CD44: variants seen among roughly 807,000 people sequenced by gnomAD.
The protein encoded by CD44 is CD44 molecule (IN blood group).
A neutral mutation model predicts 88.8 loss-of-function variants in CD44; 49 were observed. That is an observed-to-expected ratio of 0.55 (90% CI 0.44 to 0.70). CD44 has a LOEUF of 0.70. CD44 is among the 30% of genes least tolerant of loss of function. The pLI is 0.00. For missense variants in CD44, 883 were observed against 913.8 expected (o/e 0.97, Z 0.43); for synonymous variants, 325 against 312.3 (o/e 1.04, Z -0.43).
intron 11 of CD44, among the ~76,000 whole-genome samples, chr11:35,206,599 T>C (rs991871950): frequency 6.6e-5 from 10 of 150,714 alleles, no homozygotes; most frequent in Non-Finnish European, 4.4e-5. Flanking sequence ...GAAAGGTGAA[T>C]TGGACTTGGT....
At chr11:35,190,355 G>T (rs1427391607) in intron 5 of CD44, 4 of 472,748 alleles carry the variant, frequency 8.5e-6, no homozygotes, top group Non-Finnish European at 1.5e-5. Flanking sequence ...TTATCCCCAG[G>T]TATACAGTAA....
At chr11:35,209,868 A>G in intron 12 of CD44, 97 bp from the exon 13 acceptor site, 2 of 742,406 alleles carry the variant, frequency 2.7e-6, no homozygotes, top group Admixed American at 2.6e-5. Flanking sequence ...GCACCTATCC[A>G]TCTGACTCTA....
At chr11:35,182,488 A>C (rs543261980) in intron 3 of CD44, among the ~76,000 whole-genome samples, 20 of 152,196 alleles carry the variant, frequency 1.3e-4, no homozygotes, top group Non-Finnish European at 2.5e-4. Flanking sequence ...AAGAACACAA[A>C]TGGAGTTTGA....
intron 5 of CD44, among the ~76,000 whole-genome samples, chr11:35,196,417 G>A (rs867742618): frequency 6.6e-5 from 10 of 152,108 alleles, no homozygotes; most frequent in African/African-American, 2.4e-4. Flanking sequence ...AAAGACGGCT[G>A]TCATGCGTTC....
intron 11 of CD44, 64 bp from the exon 12 acceptor site, chr11:35,208,041 C>T (rs2134144118): frequency 2.0e-6 from 2 of 981,034 alleles, no homozygotes; most frequent in East Asian, 4.8e-5. Flanking sequence ...AGCTGTAGAC[C>T]ATAAGCCACC....
intron 17 of CD44, chr11:35,222,949 G>A: frequency 1.0e-6 from 1 of 985,364 alleles, no homozygotes; most frequent in Non-Finnish European, 1.2e-6. Context: ...TTTTTGGAAA[G>A]CAACCAACAG....
chr11:35,187,741 T>G (rs1399681597), intron 4 of CD44, among the ~76,000 whole-genome samples: 2 of 152,216 alleles, frequency 1.3e-5, no homozygotes, highest in Non-Finnish European at 2.9e-5. Flanking sequence ...AATTTTCTGT[T>G]TGATATAACT....
chr11:35,190,667 C>T (rs1423263531), intron 5 of CD44, among the ~76,000 whole-genome samples: 1 of 152,208 alleles, frequency 6.6e-6, no homozygotes, highest in Non-Finnish European at 1.5e-5. Context: ...ACTTGATTTA[C>T]ATTCATACTA....
intron 5 of CD44, among the ~76,000 whole-genome samples, chr11:35,191,574 T>C (rs546612933): frequency 1.3e-5 from 2 of 152,272 alleles, no homozygotes; most frequent in South Asian, 2.1e-4. Flanking sequence ...CTTATCATTA[T>C]GGTAGGCAAT....
At chr11:35,156,465 T>C (rs1941881009) in intron 1 of CD44, among the ~76,000 whole-genome samples, 1 of 152,228 alleles carries the variant, frequency 6.6e-6, no homozygotes, top group Non-Finnish European at 1.5e-5. Flanking sequence ...TGATGAACGA[T>C]CTAAAGGAAA....
chr11:35,187,592 A>C (rs1945811569), intron 4 of CD44, among the ~76,000 whole-genome samples: 1 of 152,228 alleles, frequency 6.6e-6, no homozygotes, highest in South Asian at 2.1e-4. Context: ...GGCAACCTTA[A>C]TAATAAACTT....
intron 9 of CD44, among the ~76,000 whole-genome samples, chr11:35,203,074 G>A (rs1300053955): frequency 6.6e-6 from 1 of 152,150 alleles, no homozygotes; most frequent in Non-Finnish European, 1.5e-5. Flanking sequence ...AGAGAAGACA[G>A]CAACAACTGT....
intron 6 of CD44, 134 bp from the exon 7 acceptor site, chr11:35,197,987 G>A: frequency 2.6e-6 from 2 of 772,122 alleles, no homozygotes; most frequent in Non-Finnish European, 2.0e-6. Context: ...AGAATTTGGG[G>A]TATGCAAGTC....
intron 16 of CD44, among the ~76,000 whole-genome samples, chr11:35,221,041 G>A (rs547728472): frequency 1.3e-5 from 2 of 152,246 alleles, no homozygotes; most frequent in South Asian, 2.1e-4. Flanking sequence ...TTACAGGCGT[G>A]AGCCACCGCA....
At chr11:35,175,789 T>C (rs1365213661) in intron 1 of CD44, among the ~76,000 whole-genome samples, 1 of 152,160 alleles carries the variant, frequency 6.6e-6, no homozygotes, top group Non-Finnish European at 1.5e-5. Flanking sequence ...AATATCATGG[T>C]GCTTTGGAAT....
At chr11:35,166,949 C>T (rs1453752898) in intron 1 of CD44, among the ~76,000 whole-genome samples, 1 of 152,180 alleles carries the variant, frequency 6.6e-6, no homozygotes, top group Non-Finnish European at 1.5e-5. Context: ...AACAATACAC[C>T]CTTTCACCAG....
intron 17 of CD44, among the ~76,000 whole-genome samples, chr11:35,223,910 A>C (rs953663994): frequency 6.6e-6 from 1 of 152,170 alleles, no homozygotes; most frequent in Non-Finnish European, 1.5e-5. Flanking sequence ...GGCCTCCAAT[A>C]GGTGTTCATT....
intron 15 of CD44, among the ~76,000 whole-genome samples, chr11:35,218,353 G>A (rs563517620): frequency 1.3e-5 from 2 of 152,246 alleles, no homozygotes; most frequent in African/African-American, 4.8e-5. Context: ...ATTGTGAGGT[G>A]GAGTCTCGCT....
At chr11:35,194,119 A>G (rs1946518903) in intron 5 of CD44, among the ~76,000 whole-genome samples, 1 of 152,232 alleles carries the variant, frequency 6.6e-6, no homozygotes, top group South Asian at 2.1e-4. Context: ...CCAATCAAGT[A>G]AATAGAAAAT....
Sources: allele counts gnomAD v4.1 joint callset (sites outside exome capture counted in the v4.1 genomes callset), GRCh38; gene constraint gnomAD v4.1.1; transcripts MANE v1.5; gene names NCBI Gene and HGNC (gene_info 2026-07-23, HGNC 2026-07-21).